Variants in LIPI observed in about 807,000 individuals in gnomAD.
LIPI encodes lipase member I.
In LIPI, 59 loss-of-function variants were observed where a neutral mutation model predicts 50.6. That is an observed-to-expected ratio of 1.16 (90% CI 0.94 to 1.45). The LOEUF is 1.45. LIPI is among the 40% of genes most tolerant of loss of function. The pLI is 0.00. For synonymous variants in LIPI, 203 were observed against 178.2 expected, an observed-to-expected ratio of 1.14 and a Z score of -1.11; for missense variants, 586 against 536.3, an observed-to-expected ratio of 1.09 and a Z score of -0.92.
At chr21:14,148,459 A>G (rs1337159280) in intron 8 of LIPI, among the ~76,000 whole-genome samples, 1 of 152,186 alleles carries the variant, frequency 6.6e-6, no homozygotes, top group African/African-American at 2.4e-5. Flanking sequence ...TCAACAAAGG[A>G]CTGAATATAT....
chr21:14,199,204 AAACAAATCACAAACTAGCAGAGAC>A (rs1293793234), intron 1 of LIPI, among the ~76,000 whole-genome samples: 1 of 152,134 alleles, frequency 6.6e-6, no homozygotes, highest in East Asian at 1.9e-4. Flanking sequence ...AACCAAGAAC[AAACAAATCACAAACTAGCAGAGAC>A]AACAAATAAC....
chr21:14,117,638 A>T (rs1055907197), intron 9 of LIPI, among the ~76,000 whole-genome samples: 6 of 152,156 alleles, frequency 3.9e-5, no homozygotes, highest in African/African-American at 1.4e-4. Flanking sequence ...AGTGAGTTCT[A>T]AGAGAGGCCT....
At chr21:14,156,135 C>T (rs1189356006) in intron 7 of LIPI, among the ~76,000 whole-genome samples, 4 of 151,912 alleles carry the variant, frequency 2.6e-5, no homozygotes, top group African/African-American at 9.7e-5. Flanking sequence ...GTAGGCCTCC[C>T]CAAATATATC....
chr21:14,171,447 G>A (rs796410377), intron 4 of LIPI, among the ~76,000 whole-genome samples: 19,405 of 148,542 alleles, frequency 0.13, 1,668 homozygotes, highest in Non-Finnish European at 0.19. Context: ...GAGGCATCAC[G>A]CTACCTGACT....
intron 7 of LIPI, among the ~76,000 whole-genome samples, chr21:14,157,473 A>G (rs147642111): frequency 9.5e-4 from 144 of 152,072 alleles, no homozygotes; most frequent in Middle Eastern, 3.4e-3. Flanking sequence ...CTCTTTTTTA[A>G]TAGAATGACT....
chr21:14,121,285 T>A (rs528185750), intron 9 of LIPI, among the ~76,000 whole-genome samples: 1 of 151,914 alleles, frequency 6.6e-6, no homozygotes, highest in Admixed American at 6.6e-5. Flanking sequence ...TCTGGAAAGG[T>A]TGAGAGAATG....
intron 1 of LIPI, among the ~76,000 whole-genome samples, chr21:14,209,749 TA>T (rs1444080387): frequency 6.6e-6 from 1 of 152,068 alleles, no homozygotes; most frequent in Non-Finnish European, 1.5e-5. Context: ...GTTTTTAATG[TA>T]AACTATGATA....
intron 9 of LIPI, among the ~76,000 whole-genome samples, chr21:14,142,170 G>A (rs2123049530): frequency 6.6e-6 from 1 of 152,118 alleles, no homozygotes; most frequent in Non-Finnish European, 1.5e-5. Context: ...TCGGGGGTTG[G>A]GGGACTAGGG....
chr21:14,181,852 G>T lies in LIPI; in HGVS notation c.549C>A (p.Asp183Glu). 6.3e-7 allele frequency: 1 copy of T among 1,596,936 alleles called. No homozygotes were observed. The highest frequency in any genetic ancestry group is 8.6e-7 in the Non-Finnish European group (1 of 1,165,168). ...TTCTGGAGAACCTTGGCCCAGCAGG[G>T]TCAAGACCTGGAAAGCAAGAAAGAA... ...HGQLGRITGLDPAGPRFSRKP... is the reference protein window; with the variant it reads ...HGQLGRITGLEPAGPRFSRKP... Residue 183 changes from aspartate (D) to glutamate (E), a missense_variant, in exon 4 of 10, where the codon GAC (aspartate) becomes GAA (glutamate). Physicochemically the swap from Asp to Glu is conservative, Grantham distance 45. Transcript: ENST00000681601.
chr21:14,175,862 T>C (rs369235927), intron 4 of LIPI, among the ~76,000 whole-genome samples: 61 of 152,306 alleles, frequency 4.0e-4, no homozygotes, highest in South Asian at 3.7e-3. Context: ...AAGCATTCTA[T>C]GTTCCTTTCA....
intron 1 of LIPI, among the ~76,000 whole-genome samples, chr21:14,193,526 T>C (rs1331158252): frequency 6.6e-6 from 1 of 152,108 alleles, no homozygotes; most frequent in African/African-American, 2.4e-5. Flanking sequence ...TAAAGACATA[T>C]AGGCTGAAAC....
At chr21:14,201,930 GA>G (rs1219797863) in intron 1 of LIPI, among the ~76,000 whole-genome samples, 5 of 152,168 alleles carry the variant, frequency 3.3e-5, no homozygotes, top group Non-Finnish European at 7.3e-5. Flanking sequence ...TGTATATCTA[GA>G]AAACCCCATT....
chr21:14,122,582 T>C (rs778338280), intron 9 of LIPI, among the ~76,000 whole-genome samples: 8 of 152,206 alleles, frequency 5.3e-5, no homozygotes, highest in Non-Finnish European at 8.8e-5. Context: ...GTAAGGCTGC[T>C]AAGATCATAA....
intron 4 of LIPI, among the ~76,000 whole-genome samples, chr21:14,175,616 C>T (rs1420962516): frequency 2.0e-5 from 3 of 151,876 alleles, no homozygotes; most frequent in Admixed American, 1.3e-4. Context: ...ATTCATTATC[C>T]CAGTGTTATG....
chr21:14,146,772 A>ATTTTTTTTTTTTTTTTT lies in LIPI; in HGVS notation c.1119-1990_1119-1974dup, dbSNP rs3048482. Among the ~76,000 whole-genome samples the ATTTTTTTTTTTTTTTTT allele has an allele frequency of 3.0e-4, 22 of 73,382 alleles. 4 individuals carry two copies. Among genetic ancestry groups the ATTTTTTTTTTTTTTTTT allele is most frequent in the African/African-American group, 1.2e-3 (20 of 16,546 alleles). 48.1% of individuals were successfully genotyped at this position (73,382 alleles called of 152,430 possible). A position where few individuals can be genotyped will look rare whatever the true frequency, so the allele number is the denominator to read the frequency against. ...TCTCTTTCTTACTTTCCCAGTCTCT[A>ATTTTTTTTTTTTTTTTT]TTTTTTTTTTTTTTTTTTTTTTTTT... On this transcript the variant is annotated intron_variant, in intron 8 of 9. Coordinates refer to ENST00000681601, the MANE Select transcript of LIPI (RefSeq NM_001302998.2).
intron 3 of LIPI, among the ~76,000 whole-genome samples, chr21:14,182,845 A>C (rs1305880100): frequency 6.6e-6 from 1 of 152,204 alleles, no homozygotes; most frequent in Non-Finnish European, 1.5e-5. Flanking sequence ...AAGAGGATAC[A>C]AACAAATGGA....
intron 8 of LIPI, among the ~76,000 whole-genome samples, chr21:14,150,444 A>G (rs1476984199): frequency 2.0e-5 from 3 of 152,084 alleles, no homozygotes; most frequent in East Asian, 1.9e-4. Flanking sequence ...TTTATAAAAC[A>G]TTTTACTAAA....
chr21:14,185,590 C>A (rs902413793), intron 3 of LIPI, among the ~76,000 whole-genome samples: 1 of 152,212 alleles, frequency 6.6e-6, no homozygotes, highest in East Asian at 1.9e-4. Flanking sequence ...AAATTTTAAG[C>A]AAAGTGGCTG....
chr21:14,165,646 G>A (rs1328983492), intron 5 of LIPI, among the ~76,000 whole-genome samples: 1 of 152,094 alleles, frequency 6.6e-6, no homozygotes, highest in African/African-American at 2.4e-5. Context: ...TCATTTCAGT[G>A]TTTCACAAGC....
Sources: allele counts gnomAD v4.1 joint callset (sites outside exome capture counted in the v4.1 genomes callset), GRCh38; gene constraint gnomAD v4.1.1; transcripts MANE v1.5; gene names NCBI Gene and HGNC (gene_info 2026-07-23, HGNC 2026-07-21).